SYT13: variants seen among roughly 807,000 people sequenced by gnomAD.
The protein encoded by SYT13 is synaptotagmin-13.
SYT13 carries 21 observed loss-of-function variants against 38.6 expected under a neutral mutation model. The observed-to-expected ratio is 0.54, with a 90% CI of 0.39 to 0.78. The LOEUF is 0.78. Ranked by LOEUF, SYT13 falls within the 30% of genes least tolerant of loss-of-function variation. The probability of loss-of-function intolerance (pLI) is 0.00; values close to 1 mark genes in which losing one functional copy is unlikely to be tolerated. For missense variants in SYT13, 495 were observed against 548.7 expected (o/e 0.90, Z 0.98); for synonymous variants, 241 against 237.6 (o/e 1.01, Z -0.13).
chr11:45,263,608 G>A (rs1034456311), intron 1 of SYT13, among the ~76,000 whole-genome samples: 1 of 152,230 alleles, frequency 6.6e-6, no homozygotes, highest in African/African-American at 2.4e-5. Flanking sequence ...CACTGCTGCT[G>A]CTGGGGTCTA....
chr11:45,282,774 C>A (rs1022880679), intron 1 of SYT13, among the ~76,000 whole-genome samples: 14 of 152,150 alleles, frequency 9.2e-5, no homozygotes, highest in African/African-American at 3.1e-4. Flanking sequence ...ATAATGATGT[C>A]ATTTTTTTCC....
intron 1 of SYT13, among the ~76,000 whole-genome samples, chr11:45,264,480 C>A (rs1854857847): frequency 6.6e-6 from 1 of 152,160 alleles, no homozygotes; most frequent in South Asian, 2.1e-4. Context: ...GCCCCATGTG[C>A]AAAGACCCGA....
intron 5 of SYT13, 71 bp from the exon 6 acceptor site, chr11:45,244,427 C>G: frequency 6.5e-7 from 1 of 1,530,448 alleles, no homozygotes; most frequent in Non-Finnish European, 8.8e-7. Flanking sequence ...TCTGGCAGGG[C>G]CCAGGACAAA....
chr11:45,276,945 C>T (rs987821418), intron 1 of SYT13, among the ~76,000 whole-genome samples: 6 of 152,044 alleles, frequency 3.9e-5, no homozygotes, highest in African/African-American at 1.4e-4. Flanking sequence ...AATATTTCTA[C>T]AGGAATGTAC....
At chr11:45,285,905 C>T in intron 1 of SYT13, 120 bp downstream of exon 1, 1 of 1,420,782 alleles carries the variant, frequency 7.0e-7, no homozygotes, top group South Asian at 1.2e-5. Context: ...TCTGCTGTCC[C>T]CTCCCCGCCA....
Position 45,244,025 on chromosome 11 carries a change from CAAG to C in SYT13, c.*24_*26del, listed in dbSNP as rs747560575. 2 of 1,571,664 alleles carry C rather than the reference CAAG, an allele frequency of 1.3e-6. No individual in the cohort carries two copies. The highest frequency in any genetic ancestry group is 2.7e-5 in the African/African-American group (2 of 74,552). On this transcript the variant is annotated 3_prime_UTR_variant, in exon 6 of 6. Coordinates refer to ENST00000020926, the MANE Select transcript of SYT13 (RefSeq NM_020826.3). Reference sequence around the variant, plus strand: ...TTGCAGAGGACGGGTCAGGGCTGTCCAAGAAGGGAGGCAGCTGGGCAGCTGGTT... The same window carrying C: ...TTGCAGAGGACGGGTCAGGGCTGTCCAAGGGAGGCAGCTGGGCAGCTGGTT...
At position 45,251,432 on chromosome 11, in the gene SYT13, G is replaced by T. The variant is rs114439660; in HGVS notation, c.846+989C>A. On this transcript the variant is annotated intron_variant, in intron 4 of 5. Transcript: ENST00000020926. ...AAAATAGTGCCCTAATCAGTATTTTGCTTTTTGCTTTAGCATGAGGGTTGT... is the reference window on the plus strand; with the variant it reads ...AAAATAGTGCCCTAATCAGTATTTTTCTTTTTGCTTTAGCATGAGGGTTGT... Among the ~76,000 whole-genome samples, 907 of 141,568 alleles carry T rather than the reference G, an allele frequency of 6.4e-3. 11 individuals carry two copies. Among genetic ancestry groups the T allele is most frequent in the African/African-American group, 0.023 (865 of 38,232 alleles). The allele number at this position is 141,568 out of a possible 152,430, so 92.9% of individuals were successfully genotyped here.
chr11:45,262,716 T>G (rs1197127476), intron 1 of SYT13, among the ~76,000 whole-genome samples: 1 of 111,980 alleles, frequency 8.9e-6, no homozygotes, highest in African/African-American at 3.4e-5. Flanking sequence ...AAGAGGGAGA[T>G]CCTATCACAC....
Position 45,252,348 on chromosome 11 carries a change from G to A in SYT13, c.846+73C>T. The A allele has an allele frequency of 6.7e-7, 1 of 1,481,744 alleles. No individual in the cohort carries two copies. The highest frequency in any genetic ancestry group is 9.0e-7 in the Non-Finnish European group (1 of 1,113,590). 91.8% of individuals were successfully genotyped at this position (1,481,744 alleles called of 1,614,324 possible). A position where few individuals can be genotyped will look rare whatever the true frequency, so the allele number is the denominator to read the frequency against. On this transcript the variant is annotated intron_variant, in intron 4 of 5. Transcript: ENST00000020926. This position sits in a 1 kb window ranked among gnomAD's most constrained non-coding sequence, Gnocchi z 4.3. ...GCTTGTTCCCTAAGACTGAGTTGCT[G>A]GGAGGACACCAGGTTCTGCCATCCC...
intron 1 of SYT13, among the ~76,000 whole-genome samples, chr11:45,272,033 A>G (rs1854955653): frequency 1.3e-5 from 2 of 152,234 alleles, no homozygotes; most frequent in African/African-American, 2.4e-5. Flanking sequence ...GAATGAGATC[A>G]TGTCCTTTGC....
chr11:45,269,514 A>G, intron 1 of SYT13: 1 of 1,278,536 alleles, frequency 7.8e-7, no homozygotes, highest in Middle Eastern at 2.1e-4. Context: ...ATGCTCTGCA[A>G]TGCACAACAC....
rs770551203 is a variant in SYT13, at chr11:45,252,456, C to A, written c.811G>T (p.Ala271Ser). 13 of 1,607,728 alleles carry A rather than the reference C, an allele frequency of 8.1e-6. No individual in the cohort carries two copies. The highest frequency in any genetic ancestry group is 1.1e-5 in the Non-Finnish European group (13 of 1,176,688). The change falls in exon 4 of 6, where the codon GCT becomes TCT. Residue 271 changes from alanine (A) to serine (S), a missense_variant. Ala to Ser is a moderately conservative substitution (Grantham distance 99). Transcript: ENST00000020926. The surrounding 1 kb of genome is among the most constrained non-coding windows in gnomAD (Gnocchi z 4.3). The part of the protein sequence containing the change: ...GLDGTSVPLG[A>S]AQWGELKTSA... Reference sequence around the variant, plus strand: ...GTCTTCAGCTCGCCCCACTGGGCAGCCCCTAGAGGCACAGATGTCCCGTCC... The same window carrying A: ...GTCTTCAGCTCGCCCCACTGGGCAGACCCTAGAGGCACAGATGTCCCGTCC...
Position 45,247,147 on chromosome 11 carries a change from T to A in SYT13, c.847-635A>T, listed in dbSNP as rs1454009782. On this transcript the variant is annotated intron_variant, in intron 4 of 5. Coordinates refer to ENST00000020926, the MANE Select transcript of SYT13 (RefSeq NM_020826.3). Reference sequence around the variant, plus strand: ...TGAGGCATCCAAACAAACACATCTATCCCTGCACGCAGCTTTAGAGTAACT... The same window carrying A: ...TGAGGCATCCAAACAAACACATCTAACCCTGCACGCAGCTTTAGAGTAACT... 4.6e-5 allele frequency among the ~76,000 whole-genome samples: 7 copies of A among 152,174 alleles called. No homozygotes were observed. The East Asian group carries it at 1.3e-3, about 29-fold the overall frequency.
Position 45,246,512 on chromosome 11 carries a change from C to G in SYT13, c.847G>C (p.Glu283Gln). 1.2e-6 allele frequency: 2 copies of G among 1,613,884 alleles called. No homozygotes were observed. Among genetic ancestry groups the G allele is most frequent in the East Asian group, 4.5e-5 (2 of 44,868 alleles). The change falls in exon 5 of 6, where the codon GAG (glutamate) becomes CAG (glutamine). Residue 283 changes from glutamate to glutamine, a missense_variant and splice_region_variant. Glu to Gln is a conservative substitution (Grantham distance 29). Coordinates refer to ENST00000020926, the MANE Select transcript of SYT13 (RefSeq NM_020826.3). Reference protein sequence around the residue: ...QWGELKTSAKEPSAGAGEVLL... With the variant: ...QWGELKTSAKQPSAGAGEVLL... ...ACCTCTCCAGCTCCTGCAGATGGCTCCTGAAACAGAAAAGGAGATGCAGGA... is the reference window on the plus strand; with the variant it reads ...ACCTCTCCAGCTCCTGCAGATGGCTGCTGAAACAGAAAAGGAGATGCAGGA...
chr11:45,259,564 T>C (rs556726506), intron 1 of SYT13, among the ~76,000 whole-genome samples: 3 of 152,270 alleles, frequency 2.0e-5, no homozygotes, highest in East Asian at 3.9e-4. Context: ...GAGCAAAAGA[T>C]TGGGCATTTC....
Position 45,244,234 on chromosome 11 carries a change from C to A in SYT13, c.1099G>T (p.Asp367Tyr), listed in dbSNP as rs767258507. 3 of 1,614,038 alleles carry A rather than the reference C, an allele frequency of 1.9e-6. No individual in the cohort carries two copies. The highest frequency in any genetic ancestry group is 1.7e-6 in the Non-Finnish European group (2 of 1,180,050). The change falls in exon 6 of 6, where the codon GAC becomes TAC. Residue 367 changes from aspartate (D) to tyrosine (Y), a missense_variant. Coordinates refer to ENST00000020926, the MANE Select transcript of SYT13 (RefSeq NM_020826.3). ...NEMIMFELPD[D>Y]LLQASSVELE... ...TCCACACTGGAGGCCTGCAGCAGGTCGTCAGGCAGCTCAAACATGATCATC... is the reference window on the plus strand; with the variant it reads ...TCCACACTGGAGGCCTGCAGCAGGTAGTCAGGCAGCTCAAACATGATCATC...
At chr11:45,254,096 T>A (rs1854712512) in intron 3 of SYT13, 174 bp downstream of exon 3, 1 of 620,380 alleles carries the variant, frequency 1.6e-6, no homozygotes, top group African/African-American at 1.9e-5. Context: ...TTTGGACTGT[T>A]GGGGTTGGGA....
chr11:45,268,497 C>T (rs918915140), intron 1 of SYT13, among the ~76,000 whole-genome samples: 1 of 152,300 alleles, frequency 6.6e-6, no homozygotes, highest in Admixed American at 6.5e-5. Context: ...TCATATGCAG[C>T]TTTACCATGT....
intron 4 of SYT13, among the ~76,000 whole-genome samples, chr11:45,248,070 C>T (rs970323757): frequency 2.4e-4 from 36 of 152,208 alleles, no homozygotes; most frequent in African/African-American, 8.2e-4. Context: ...CCATTTACTA[C>T]CTCTATGACC....
Sources: allele counts gnomAD v4.1 joint callset (sites outside exome capture counted in the v4.1 genomes callset), GRCh38; gene constraint gnomAD v4.1.1; non-coding constraint Gnocchi (gnomAD v3.1); transcripts MANE v1.5; gene names NCBI Gene and HGNC (gene_info 2026-07-23, HGNC 2026-07-21).